CTIF: variants seen among roughly 807,000 people sequenced by gnomAD.
The protein encoded by CTIF is CBP80/20-dependent translation initiation factor.
Under a neutral mutation model 66.0 loss-of-function variants are expected in CTIF, and 21 were observed. The ratio of observed to expected loss-of-function variants is 0.32; its 90% CI spans 0.23 to 0.46. The LOEUF (loss-of-function observed/expected upper bound fraction) is 0.46, where lower values mean the gene tolerates loss of function less well. Among genes scored for constraint, CTIF ranks in the 20% least tolerant of loss-of-function variants. The pLI is 1.00. For synonymous variants in CTIF, 345 were observed against 326.4 expected (o/e 1.06, Z -0.62); for missense variants, 739 against 812.7 (o/e 0.91, Z 1.10).
chr18:48,640,060 G>T (rs2090899345), intron 3 of CTIF, among the ~76,000 whole-genome samples: 1 of 152,196 alleles, frequency 6.6e-6, no homozygotes, highest in Non-Finnish European at 1.5e-5. Flanking sequence ...GGAGGACCCA[G>T]GCAGCTGCCC....
At chr18:48,672,416 A>G (rs1224922731) in intron 6 of CTIF, among the ~76,000 whole-genome samples, 1 of 152,178 alleles carries the variant, frequency 6.6e-6, no homozygotes, top group Non-Finnish European at 1.5e-5. Context: ...AATGGCCGTC[A>G]CTGGAGAGGG....
At chr18:48,676,028 C>T (rs910921930) in intron 6 of CTIF, among the ~76,000 whole-genome samples, 5 of 152,186 alleles carry the variant, frequency 3.3e-5, no homozygotes, top group South Asian at 2.1e-4. Flanking sequence ...CCCCGGCACC[C>T]CCTCCCCCAG....
At chr18:48,546,743 C>G (rs978610702) in intron 1 of CTIF, among the ~76,000 whole-genome samples, 5 of 152,198 alleles carry the variant, frequency 3.3e-5, no homozygotes. Context: ...CTGCCTAAAA[C>G]AGGACCTGGT....
At chr18:48,788,992 C>T (rs1247073266) in intron 9 of CTIF, among the ~76,000 whole-genome samples, 1 of 152,142 alleles carries the variant, frequency 6.6e-6, no homozygotes, top group African/African-American at 2.4e-5. Flanking sequence ...TGGGCAGACT[C>T]AGGAGGACGT....
At chr18:48,581,499 G>A (rs1222264292) in intron 1 of CTIF, among the ~76,000 whole-genome samples, 1 of 152,128 alleles carries the variant, frequency 6.6e-6, no homozygotes, top group Non-Finnish European at 1.5e-5. Flanking sequence ...TCCCTGCAGA[G>A]TCTCTTTCTG....
rs576669977 is a variant in CTIF, at chr18:48,627,959, G to A, written c.180+8214G>A. Among the ~76,000 whole-genome samples the A allele has an allele frequency of 2.4e-4, 36 of 152,252 alleles. 1 individual carries two copies. The South Asian group carries it at 5.0e-3, about 21-fold the overall frequency. On this transcript the variant is annotated intron_variant, in intron 2 of 11. Transcript: ENST00000256413. ...TATGTAGAGAATAGGCTATGGTAGG[G>A]GGTCAGCAAGAGAGGAAGCAGAGAC...
At chr18:48,851,797 C>T (rs1243887305) in intron 10 of CTIF, among the ~76,000 whole-genome samples, 1 of 152,208 alleles carries the variant, frequency 6.6e-6, no homozygotes, top group African/African-American at 2.4e-5. Context: ...GGCCACCACC[C>T]ACTCTGTCTG....
rs1490498802 is a variant in CTIF at position 48,761,999 on chromosome 18, G to A, written c.1371+310G>A. 6.6e-6 allele frequency among the ~76,000 whole-genome samples: 1 copy of A among 152,186 alleles called. No homozygotes were observed. Among genetic ancestry groups the A allele is most frequent in the Non-Finnish European group, 1.5e-5 (1 of 68,036 alleles). On this transcript the variant is annotated intron_variant, in intron 9 of 11. Transcript: ENST00000256413. This position sits in a 1 kb window ranked among gnomAD's most constrained non-coding sequence, Gnocchi z 4.2. ...TGGCTCTTGGTCTCAACCTGGCTAT[G>A]TGCTTTGACCTCTCTACATCCAAGC... is the stretch of plus-strand genomic sequence containing the variant.
At chr18:48,768,098 C>G (rs1011955206) in intron 9 of CTIF, among the ~76,000 whole-genome samples, 2 of 152,122 alleles carry the variant, frequency 1.3e-5, no homozygotes, top group African/African-American at 4.8e-5. Flanking sequence ...TGGGCCATTC[C>G]TCTAACTCTC....
chr18:48,758,982 A>G (rs1192425445), intron 8 of CTIF, among the ~76,000 whole-genome samples: 1 of 152,018 alleles, frequency 6.6e-6, no homozygotes, highest in Non-Finnish European at 1.5e-5. Flanking sequence ...CTCCATTCTC[A>G]GCATCACGCA....
chr18:48,815,743 C>T (rs2068349100), intron 9 of CTIF, among the ~76,000 whole-genome samples: 1 of 152,200 alleles, frequency 6.6e-6, no homozygotes, highest in Non-Finnish European at 1.5e-5. Context: ...GGCCTTCCAT[C>T]TCTGGAGATG....
intron 1 of CTIF, among the ~76,000 whole-genome samples, chr18:48,582,788 G>T (rs2089689227): frequency 6.6e-6 from 1 of 152,134 alleles, no homozygotes; most frequent in Non-Finnish European, 1.5e-5. Context: ...CTGTGGGGTT[G>T]GCCGGTCATA....
intron 6 of CTIF, among the ~76,000 whole-genome samples, chr18:48,677,555 T>A (rs1478887074): frequency 6.6e-6 from 1 of 152,168 alleles, no homozygotes; most frequent in African/African-American, 2.4e-5. Context: ...AATCTTACCC[T>A]CACGTTGTCC....
At chr18:48,668,413 C>T (rs932534931) in intron 5 of CTIF, among the ~76,000 whole-genome samples, 14 of 152,248 alleles carry the variant, frequency 9.2e-5, no homozygotes, top group African/African-American at 3.4e-4. Flanking sequence ...CACAGGCCAG[C>T]CTGTCTGCAC....
At chr18:48,737,987 G>A (rs1296641878) in intron 7 of CTIF, among the ~76,000 whole-genome samples, 5 of 152,216 alleles carry the variant, frequency 3.3e-5, no homozygotes, top group African/African-American at 4.8e-5. Flanking sequence ...AACATCCCAC[G>A]GTGGGGTGTC....
intron 1 of CTIF, among the ~76,000 whole-genome samples, chr18:48,595,974 G>C (rs1290868102): frequency 2.0e-5 from 3 of 152,138 alleles, no homozygotes; most frequent in Admixed American, 6.6e-5. Flanking sequence ...GGAGGCAGTA[G>C]AGTCAACAAG....
intron 7 of CTIF, among the ~76,000 whole-genome samples, chr18:48,743,782 A>G (rs948980107): frequency 6.6e-6 from 1 of 150,950 alleles, no homozygotes; most frequent in Non-Finnish European, 1.5e-5. Flanking sequence ...AAAAATAACA[A>G]TTTTTTTTTT....
intron 1 of CTIF, among the ~76,000 whole-genome samples, chr18:48,592,446 G>A (rs1244430749): frequency 6.6e-6 from 1 of 150,612 alleles, no homozygotes; most frequent in African/African-American, 2.4e-5. Context: ...GTGGTGAGCC[G>A]AGATTGCGCC....
intron 1 of CTIF, among the ~76,000 whole-genome samples, chr18:48,592,140 C>A (rs1033987443): frequency 3.3e-5 from 5 of 152,098 alleles, no homozygotes; most frequent in South Asian, 2.1e-4. Context: ...ACCTAGATAC[C>A]AGTGAATACC....
Sources: allele counts gnomAD v4.1 joint callset (sites outside exome capture counted in the v4.1 genomes callset), GRCh38; gene constraint gnomAD v4.1.1; non-coding constraint Gnocchi (gnomAD v3.1); transcripts MANE v1.5; gene names NCBI Gene and HGNC (gene_info 2026-07-23, HGNC 2026-07-21).